YWHAZ: variants seen among roughly 807,000 people sequenced by gnomAD.
The protein encoded by YWHAZ is 14-3-3 protein zeta/delta.
For missense variants in YWHAZ, 79 were observed against 284.8 expected (o/e 0.28, Z 5.20); for synonymous variants, 87 against 103.6 (o/e 0.84, Z 0.97).
In YWHAZ at chr8:100,946,476, G is replaced by A. The variant is rs149498650; in HGVS notation, c.294+2120C>T. On this transcript the variant is annotated intron_variant, in intron 2 of 5. Transcript: ENST00000395958. Reference sequence around the variant, plus strand: ...CAAGGCAGAAGAATTGCTTGAACACGGGAGGCGGAAGTTGCAGTGAGCTGA... The same window carrying A: ...CAAGGCAGAAGAATTGCTTGAACACAGGAGGCGGAAGTTGCAGTGAGCTGA... Among the ~76,000 whole-genome samples, 1,115 of 152,242 alleles carry A rather than the reference G, an allele frequency of 7.3e-3. 8 individuals carry two copies. Among genetic ancestry groups the A allele is most frequent in the Non-Finnish European group, 0.01 (697 of 68,010 alleles).
In YWHAZ at chr8:100,918,406, C is replaced by CTTTT. The variant is rs1351272464; in HGVS notation, c.*2286_*2287insAAAA. 1.0e-4 allele frequency: 2 copies of CTTTT among 19,618 alleles called. No homozygotes were observed. The highest frequency in any genetic ancestry group is 2.6e-4 in the African/African-American group (2 of 7,578). 1.2% of individuals were successfully genotyped at this position (19,618 alleles called of 1,614,324 possible). ...TCAGTCTAGCTATAAAATATAATTA[C>CTTTT]TTTATATATATATATATATATATAT... On this transcript the variant is annotated 3_prime_UTR_variant, in exon 6 of 6. Coordinates refer to ENST00000395958, the MANE Select transcript of YWHAZ (RefSeq NM_145690.3).
chr8:100,941,309 A>G (rs1243000501), intron 2 of YWHAZ, among the ~76,000 whole-genome samples: 1 of 152,234 alleles, frequency 6.6e-6, no homozygotes, highest in Non-Finnish European at 1.5e-5. Context: ...GAGCAAAAAA[A>G]TTATAAGCTG....
chr8:100,943,497 A>G (rs1410100872), intron 2 of YWHAZ, among the ~76,000 whole-genome samples: 1 of 152,220 alleles, frequency 6.6e-6, no homozygotes. Context: ...CAAAAGTCCA[A>G]TGACATTTAA....
chr8:100,924,038 C>T lies in YWHAZ; in HGVS notation c.595G>A (p.Ala199Thr). The change falls in exon 5 of 6, where the codon GCC becomes ACC. Residue 199 changes from alanine to threonine, a missense_variant. Physicochemically the swap from Ala to Thr is moderately conservative, Grantham distance 58 (BLOSUM62 0). Transcript: ENST00000395958. This position sits in a 1 kb window ranked among gnomAD's most constrained non-coding sequence, Gnocchi z 5.7. ...CSLAKTAFDE[A>T]IAELDTLSEE... ...CTTAATGTATCAAGTTCAGCAATGG[C>T]TTCATCAAAAGCCTACGATTTAAAA... 1 of 1,610,334 alleles carries T rather than the reference C, an allele frequency of 6.2e-7. No individual in the cohort carries two copies. Among genetic ancestry groups the T allele is most frequent in the Non-Finnish European group, 8.5e-7 (1 of 1,178,988 alleles).
At chr8:100,930,750 A>G (rs1372118719) in intron 2 of YWHAZ, among the ~76,000 whole-genome samples, 1 of 152,144 alleles carries the variant, frequency 6.6e-6, no homozygotes, top group Non-Finnish European at 1.5e-5. Context: ...CCCTGCTCCC[A>G]TTAACTTTTA....
At chr8:100,939,520 G>A (rs369413056) in intron 2 of YWHAZ, among the ~76,000 whole-genome samples, 11 of 151,982 alleles carry the variant, frequency 7.2e-5, no homozygotes, top group Non-Finnish European at 1.0e-4. Context: ...TCAGCTGGGC[G>A]TGGTGGTGCA....
chr8:100,941,810 C>CAA (rs58294305), intron 2 of YWHAZ, among the ~76,000 whole-genome samples: 5 of 113,574 alleles, frequency 4.4e-5, no homozygotes, highest in Admixed American at 3.7e-4. Context: ...CAAAAAACGA[C>CAA]AAAAAAAAAA....
Position 100,924,864 on chromosome 8 carries a change from C to T in YWHAZ, c.418+52G>A. 6.2e-7 allele frequency: 1 copy of T among 1,606,104 alleles called. No homozygotes were observed. The highest frequency in any genetic ancestry group is 2.2e-5 in the East Asian group (1 of 44,788). ...ATTATGTACGCTTCAGAGACTCTTCCTCACTATGTTATCTTATACAAGTTC... is the reference window on the plus strand; with the variant it reads ...ATTATGTACGCTTCAGAGACTCTTCTTCACTATGTTATCTTATACAAGTTC... On this transcript the variant is annotated intron_variant, in intron 3 of 5. Coordinates refer to ENST00000395958, the MANE Select transcript of YWHAZ (RefSeq NM_145690.3). This position sits in a 1 kb window ranked among gnomAD's most constrained non-coding sequence, Gnocchi z 5.7.
At chr8:100,936,794 G>A (rs1164302822) in intron 2 of YWHAZ, among the ~76,000 whole-genome samples, 1 of 152,090 alleles carries the variant, frequency 6.6e-6, no homozygotes, top group Non-Finnish European at 1.5e-5. Context: ...GACAGAGTGA[G>A]ACTCCATCTC....
chr8:100,948,598 G>A lies in YWHAZ; in HGVS notation c.292C>T (p.Leu98=), dbSNP rs562017661. ...TELRDICNDV[L]SLLEKFLIPN... is the part of the protein sequence containing the mutation. ...AGCCAGACTGAATTGATTCTCACCAGTACATCATTGCAGATATCTCTTAGC... is the reference window on the plus strand; with the variant it reads ...AGCCAGACTGAATTGATTCTCACCAATACATCATTGCAGATATCTCTTAGC... Residue 98 remains leucine (L), a splice_region_variant and synonymous_variant, in exon 2 of 6, where the codon CTG becomes TTG. Coordinates refer to ENST00000395958, the MANE Select transcript of YWHAZ (RefSeq NM_145690.3). The surrounding 1 kb of genome is among the most constrained non-coding windows in gnomAD (Gnocchi z 4.2). The A allele has an allele frequency of 7.0e-5, 113 of 1,611,132 alleles. 2 individuals carry two copies. In the South Asian group the frequency reaches 1.2e-3, roughly 17 times the overall value.
At chr8:100,943,923 C>A (rs1413945324) in intron 2 of YWHAZ, among the ~76,000 whole-genome samples, 1 of 144,492 alleles carries the variant, frequency 6.9e-6, no homozygotes, top group Non-Finnish European at 1.5e-5. Flanking sequence ...GAAGGCAGAG[C>A]TTGCAGTGAG....
At chr8:100,943,895 G>A (rs768049581) in intron 2 of YWHAZ, among the ~76,000 whole-genome samples, 1 of 150,110 alleles carries the variant, frequency 6.7e-6, no homozygotes, top group Non-Finnish European at 1.5e-5. Flanking sequence ...GCTGAGGCAG[G>A]AGAATGGCGT....
In YWHAZ at chr8:100,948,139, G is replaced by T. The variant is rs1488965571; in HGVS notation, c.294+457C>A. The T allele has an allele frequency of 1.3e-6, 2 of 1,534,138 alleles. No individual in the cohort carries two copies. The highest frequency in any genetic ancestry group is 2.7e-5 in the African/African-American group (2 of 72,982). On this transcript the variant is annotated intron_variant, in intron 2 of 5. Transcript: ENST00000395958. This position sits in a 1 kb window ranked among gnomAD's most constrained non-coding sequence, Gnocchi z 4.2. ...TGACGCCAGAGTTTTCTGCATGGTT[G>T]ACTCATTACATTAACATTATAGCGG...
At chr8:100,947,050 GAGACCATCCTGGCTAACATGGTGAAACC>G in intron 2 of YWHAZ, among the ~76,000 whole-genome samples, 1 of 151,328 alleles carries the variant, frequency 6.6e-6, no homozygotes, top group East Asian at 1.9e-4. Flanking sequence ...TCAGGAGATC[GAGACCATCCTGGCTAACATGGTGAAACC>G]CCGTCTCTAC....
chr8:100,943,593 C>T (rs1810033370), intron 2 of YWHAZ, among the ~76,000 whole-genome samples: 1 of 152,178 alleles, frequency 6.6e-6, no homozygotes, highest in Non-Finnish European at 1.5e-5. Flanking sequence ...CCTTTATTTT[C>T]ATCATTTCCA....
intron 2 of YWHAZ, among the ~76,000 whole-genome samples, chr8:100,928,739 G>GAA (rs150237761): frequency 3.6e-5 from 4 of 112,272 alleles, no homozygotes; most frequent in African/African-American, 1.3e-4. Context: ...GTCTTAAAAA[G>GAA]AAAAAAAAAA....
rs1372051110 is a variant in YWHAZ at position 100,920,068 on chromosome 8, A to G, written c.*625T>C. ...AAATGAGTGTAGCAAAAATAATGAA[A>G]GCTAACAGCAGGTAACTTTACAAAT... On this transcript the variant is annotated 3_prime_UTR_variant, in exon 6 of 6. Coordinates refer to ENST00000395958, the MANE Select transcript of YWHAZ (RefSeq NM_145690.3). 6.6e-6 allele frequency: 1 copy of G among 152,664 alleles called. No individual in the cohort carries two copies. Among genetic ancestry groups the G allele is most frequent in the East Asian group, 1.9e-4 (1 of 5,202 alleles). 9.5% of individuals were successfully genotyped at this position (152,664 alleles called of 1,614,324 possible).
chr8:100,929,915 C>A (rs1480976582), intron 2 of YWHAZ, among the ~76,000 whole-genome samples: 2 of 152,166 alleles, frequency 1.3e-5, no homozygotes, highest in Non-Finnish European at 2.9e-5. Context: ...GAGGAAAGGG[C>A]TGATAGCTAC....
intron 1 of YWHAZ, among the ~76,000 whole-genome samples, chr8:100,950,120 C>A (rs1364443334): frequency 6.6e-6 from 1 of 152,164 alleles, no homozygotes; most frequent in Non-Finnish European, 1.5e-5. Flanking sequence ...AAATAATTAA[C>A]CACTTTGGAT....
Sources: allele counts gnomAD v4.1 joint callset (sites outside exome capture counted in the v4.1 genomes callset), GRCh38; gene constraint gnomAD v4.1.1; non-coding constraint Gnocchi (gnomAD v3.1); transcripts MANE v1.5; gene names NCBI Gene and HGNC (gene_info 2026-07-23, HGNC 2026-07-21).